LIMCH1: variants seen among roughly 807,000 people sequenced by gnomAD.
The protein encoded by LIMCH1 is LIM and calponin homology domains 1, also known as LIM and calponin homology domains-containing protein 1.
In LIMCH1, 113 loss-of-function variants were observed where a neutral mutation model predicts 176.5. The ratio of observed to expected loss-of-function variants is 0.64; its 90% CI spans 0.55 to 0.75. LIMCH1 has a LOEUF of 0.75. LIMCH1 is among the 30% of genes least tolerant of loss of function. LIMCH1 has a pLI of 0.00. For synonymous variants in LIMCH1, 619 were observed against 645.9 expected (o/e 0.96, Z 0.63); for missense variants, 1,674 against 1,814.9 (o/e 0.92, Z 1.41).
At chr4:41,376,695 T>C (rs11735207) in intron 1 of LIMCH1, among the ~76,000 whole-genome samples, 66,894 of 152,010 alleles carry the variant, frequency 0.44, 16,350 homozygotes, top group African/African-American at 0.67. Context: ...GGGTAAGACA[T>C]ATTTCTGGGA....
At chr4:41,682,701 C>T (rs546301071) in intron 26 of LIMCH1, among the ~76,000 whole-genome samples, 30 of 134,782 alleles carry the variant, frequency 2.2e-4, no homozygotes, top group Non-Finnish European at 2.9e-4. Flanking sequence ...TTGCTTGAGA[C>T]GGAGTCTCAC....
upstream of LIMCH1, chr4:41,360,580 G>T: frequency 4.2e-6 from 1 of 237,128 alleles, no homozygotes. The surrounding 1 kb of genome is among the most constrained non-coding windows in gnomAD (Gnocchi z 4.5). Flanking sequence ...CTCGAAGGTG[G>T]GGAGGAGAAG....
At chr4:41,616,751 C>T (rs1256744642) in intron 5 of LIMCH1, among the ~76,000 whole-genome samples, 2 of 152,010 alleles carry the variant, frequency 1.3e-5, no homozygotes, top group African/African-American at 4.8e-5. Flanking sequence ...TATGTCATCT[C>T]ATTTAATTCT....
chr4:41,661,446 T>C lies in LIMCH1; in HGVS notation c.3063T>C (p.Asn1021=). The change falls in exon 19 of 32, where the codon AAT becomes AAC. Residue 1021 remains asparagine, a synonymous_variant. Transcript: ENST00000503057. The stretch of plus-strand genomic sequence containing the variant: ...CAACCACTGAGAAAACGGAACCGAA[T>C]AGTCAAGAGGACAAGAATGATGGTG... The part of the protein sequence containing the change: ...LAATTEKTEP[N]SQEDKNDGGK... The C allele has an allele frequency of 6.2e-7, 1 of 1,612,958 alleles. No homozygotes were observed. The highest frequency in any genetic ancestry group is 8.5e-7 in the Non-Finnish European group (1 of 1,179,394).
intron 1 of LIMCH1, among the ~76,000 whole-genome samples, chr4:41,469,532 A>G (rs370056455): frequency 1.3e-5 from 2 of 152,200 alleles, no homozygotes; most frequent in South Asian, 2.1e-4. Flanking sequence ...AGGCATGGCC[A>G]GCAGCACACA....
chr4:41,364,840 TAAG>T (rs34192757), intron 1 of LIMCH1, among the ~76,000 whole-genome samples: 11,655 of 152,208 alleles, frequency 0.077, 523 homozygotes, highest in Middle Eastern at 0.13. Flanking sequence ...CTGCTAGGAA[TAAG>T]AAGAATTCTT....
At chr4:41,585,714 T>C (rs1006420283) in intron 1 of LIMCH1, among the ~76,000 whole-genome samples, 1 of 152,222 alleles carries the variant, frequency 6.6e-6, no homozygotes, top group Non-Finnish European at 1.5e-5. Context: ...TTTCTGTCTT[T>C]TTAAAAACAG....
intron 1 of LIMCH1, among the ~76,000 whole-genome samples, chr4:41,424,699 A>T (rs1283511808): frequency 1.3e-5 from 2 of 152,324 alleles, no homozygotes; most frequent in South Asian, 4.1e-4. Flanking sequence ...CCAAGCTTGC[A>T]TACTTTTGGG....
rs1254636999 is a variant in LIMCH1 at position 41,620,455 on chromosome 4, G to A, written c.490G>A (p.Glu164Lys). The change falls in exon 7 of 32, where the codon GAA (glutamate) becomes AAA (lysine). Residue 164 changes from glutamate (E) to lysine (K), a missense_variant. Transcript: ENST00000503057. ...TGAAACGATAGAGGAAGAGGGGAGT[G>A]AAGTGGGGTCTGCTGGTGAAGACAA... ...FPETIEEEGS[E>K]VGSAGEDNPA... 4.6e-6 allele frequency: 7 copies of A among 1,536,160 alleles called. No individual in the cohort carries two copies. Among genetic ancestry groups the A allele is most frequent in the Non-Finnish European group, 6.1e-6 (7 of 1,146,918 alleles).
At chr4:41,692,517 A>C (rs1726905441) in intron 31 of LIMCH1, 133 bp downstream of exon 31, 1 of 600,902 alleles carries the variant, frequency 1.7e-6, no homozygotes, top group African/African-American at 1.9e-5. Flanking sequence ...CTTAACATCT[A>C]GGTTAAAAAA....
At chr4:41,448,780 G>T (rs1322502936) in intron 1 of LIMCH1, among the ~76,000 whole-genome samples, 1 of 152,028 alleles carries the variant, frequency 6.6e-6, no homozygotes, top group Non-Finnish European at 1.5e-5. Flanking sequence ...GACACCTCGA[G>T]AGAAAAGATG....
chr4:41,438,904 A>G (rs2062399503), intron 1 of LIMCH1, among the ~76,000 whole-genome samples: 1 of 152,174 alleles, frequency 6.6e-6, no homozygotes, highest in African/African-American at 2.4e-5. Flanking sequence ...GTAAATGTGG[A>G]TTATCAATCC....
chr4:41,446,716 G>A (rs1283745436), intron 1 of LIMCH1, among the ~76,000 whole-genome samples: 1 of 152,050 alleles, frequency 6.6e-6, no homozygotes, highest in African/African-American at 2.4e-5. Context: ...AAATCCAATT[G>A]GTAACACATT....
chr4:41,690,885 G>A (rs967297507), intron 30 of LIMCH1, among the ~76,000 whole-genome samples: 3 of 152,112 alleles, frequency 2.0e-5, no homozygotes, highest in African/African-American at 4.8e-5. Context: ...AAATATTCTC[G>A]TTGTAAAGAT....
chr4:41,638,124 T>A (rs1034347748), intron 13 of LIMCH1, among the ~76,000 whole-genome samples: 29 of 152,090 alleles, frequency 1.9e-4, no homozygotes, highest in Admixed American at 5.2e-4. Context: ...GTTGTTGTTG[T>A]TGTTGTTGTT....
intron 30 of LIMCH1, among the ~76,000 whole-genome samples, chr4:41,691,170 C>T (rs1341464982): frequency 6.6e-6 from 1 of 152,098 alleles, no homozygotes; most frequent in Non-Finnish European, 1.5e-5. Context: ...GGTACATCCC[C>T]TCTTGGATTT....
chr4:41,690,101 A>C (rs1201037775), intron 30 of LIMCH1, among the ~76,000 whole-genome samples: 3 of 152,196 alleles, frequency 2.0e-5, no homozygotes, highest in African/African-American at 7.2e-5. Context: ...ATATGTCTGT[A>C]ATCTTAGATT....
At chr4:41,360,206 T>G (rs1303161695), upstream of LIMCH1, among the ~76,000 whole-genome samples, 1 of 152,144 alleles carries the variant, frequency 6.6e-6, no homozygotes, top group Non-Finnish European at 1.5e-5. The surrounding 1 kb of genome is among the most constrained non-coding windows in gnomAD (Gnocchi z 4.5). Context: ...TTTTTCTTCT[T>G]ACAAAAAGAT....
intron 15 of LIMCH1, among the ~76,000 whole-genome samples, chr4:41,645,659 T>G (rs2094023938): frequency 6.6e-6 from 1 of 152,196 alleles, no homozygotes; most frequent in South Asian, 2.1e-4. Context: ...TTAATACATA[T>G]AGAATCACCA....
Sources: allele counts gnomAD v4.1 joint callset (sites outside exome capture counted in the v4.1 genomes callset), GRCh38; gene constraint gnomAD v4.1.1; non-coding constraint Gnocchi (gnomAD v3.1); transcripts MANE v1.5; gene names NCBI Gene and HGNC (gene_info 2026-07-23, HGNC 2026-07-21).